Variants in ZNF804B observed in about 807,000 individuals in gnomAD.
The protein encoded by ZNF804B is zinc finger protein 804B.
Under a neutral mutation model 101.4 loss-of-function variants are expected in ZNF804B, and 80 were observed. The observed-to-expected ratio is 0.79, with a 90% confidence interval of 0.66 to 0.95. The LOEUF is 0.95. Ranked by LOEUF, ZNF804B falls within the 40% of genes least tolerant of loss-of-function variation. The pLI is 0.00. For missense variants in ZNF804B, 1,673 were observed against 1,561.9 expected, an observed-to-expected ratio of 1.07 and a Z score of -1.20; for synonymous variants, 622 against 558.8, an observed-to-expected ratio of 1.11 and a Z score of -1.59.
intron 2 of ZNF804B, among the ~76,000 whole-genome samples, chr7:89,238,499 G>C (rs561236568): frequency 6.6e-6 from 1 of 152,120 alleles, no homozygotes; most frequent in South Asian, 2.1e-4. Context: ...TTTTGTAAGA[G>C]CAAATTTGTT....
At chr7:89,296,162 T>C (rs866527695) in intron 2 of ZNF804B, among the ~76,000 whole-genome samples, 1 of 152,048 alleles carries the variant, frequency 6.6e-6, no homozygotes, top group Non-Finnish European at 1.5e-5. Flanking sequence ...AATAAATACA[T>C]ATGTACATAC....
rs538231980 is a variant in ZNF804B at position 89,144,591 on chromosome 7, G to T, written c.109-73564G>T. On this transcript the variant is annotated intron_variant, in intron 1 of 3. Coordinates refer to ENST00000333190, the MANE Select transcript of ZNF804B (RefSeq NM_181646.5). ...GGAGATGTTGATCAAAAGGTATAAGGTTTCAGTTAGACAGGAGAAATAAGA... is the reference window on the plus strand; with the variant it reads ...GGAGATGTTGATCAAAAGGTATAAGTTTTCAGTTAGACAGGAGAAATAAGA... Among the ~76,000 whole-genome samples the T allele has an allele frequency of 5.9e-5, 9 of 151,862 alleles. No homozygotes were observed. The South Asian group carries it at 1.9e-3, about 31-fold the overall frequency.
chr7:89,192,048 T>C (rs1788463150), intron 1 of ZNF804B, among the ~76,000 whole-genome samples: 1 of 152,116 alleles, frequency 6.6e-6, no homozygotes, highest in Non-Finnish European at 1.5e-5. Context: ...TTTCTAAAAA[T>C]GGGAGCTTAA....
chr7:88,918,965 G>A (rs1431344420), intron 1 of ZNF804B, among the ~76,000 whole-genome samples: 2 of 152,110 alleles, frequency 1.3e-5, no homozygotes, highest in South Asian at 2.1e-4. Flanking sequence ...AAGGATGATG[G>A]ACAATTTTCA....
chr7:89,103,059 T>TGTTTGTTTG lies in ZNF804B; in HGVS notation c.109-115096_109-115095insGTTTGTTTG, dbSNP rs1562885429. Among the ~76,000 whole-genome samples the TGTTTGTTTG allele has an allele frequency of 9.3e-4, 116 of 125,256 alleles. 2 individuals carry two copies. The highest frequency in any genetic ancestry group is 3.8e-3 in the Middle Eastern group (1 of 260). 82.2% of individuals were successfully genotyped at this position (125,256 alleles called of 152,430 possible). On this transcript the variant is annotated intron_variant, in intron 1 of 3. Transcript: ENST00000333190. Reference sequence around the variant, plus strand: ...TGACCTATGTGTCTGTTTTTTTTTTTTTTTTTTTTTTTTTTTTTTTTTTTA... The same window carrying TGTTTGTTTG: ...TGACCTATGTGTCTGTTTTTTTTTTTGTTTGTTTGTTTTTTTTTTTTTTTTTTTTTTTTA...
intron 2 of ZNF804B, among the ~76,000 whole-genome samples, chr7:89,226,565 T>G (rs1345397182): frequency 6.6e-6 from 1 of 152,030 alleles, no homozygotes; most frequent in Non-Finnish European, 1.5e-5. Flanking sequence ...TCTTTTCAGA[T>G]AAGTCTCTAA....
intron 1 of ZNF804B, among the ~76,000 whole-genome samples, chr7:88,819,061 A>C (rs1389615387): frequency 6.6e-6 from 1 of 152,128 alleles, no homozygotes; most frequent in Non-Finnish European, 1.5e-5. Context: ...AGCGTGATTG[A>C]CTGTATTTTC....
intron 1 of ZNF804B, among the ~76,000 whole-genome samples, chr7:88,925,490 G>C (rs572670297): frequency 6.6e-6 from 1 of 152,186 alleles, no homozygotes; most frequent in East Asian, 1.9e-4. Flanking sequence ...TTACAGAAAG[G>C]GACACTAAAG....
At chr7:88,824,806 A>AT in intron 1 of ZNF804B, among the ~76,000 whole-genome samples, 1 of 152,324 alleles carries the variant, frequency 6.6e-6, no homozygotes, top group Middle Eastern at 3.4e-3. Context: ...CTTAGCCTTT[A>AT]TAAGTGTGGA....
chr7:89,122,583 T>C (rs10268458), intron 1 of ZNF804B, among the ~76,000 whole-genome samples: 108,429 of 152,046 alleles, frequency 0.71, 39,574 homozygotes, highest in African/African-American at 0.87. Context: ...CTGCGGTTGC[T>C]GTTGCTCCAG....
intron 1 of ZNF804B, among the ~76,000 whole-genome samples, chr7:89,196,623 A>G (rs1191781763): frequency 6.6e-6 from 1 of 152,172 alleles, no homozygotes; most frequent in Non-Finnish European, 1.5e-5. Flanking sequence ...AAATTGACAA[A>G]TGGGATCTAA....
intron 1 of ZNF804B, among the ~76,000 whole-genome samples, chr7:89,137,070 T>G (rs1488956361): frequency 6.6e-6 from 1 of 152,048 alleles, no homozygotes; most frequent in Admixed American, 6.6e-5. Context: ...ATTAAACCTC[T>G]TTCTTTCTCA....
intron 1 of ZNF804B, among the ~76,000 whole-genome samples, chr7:88,865,083 A>G (rs1295251924): frequency 6.6e-6 from 1 of 151,314 alleles, no homozygotes; most frequent in Non-Finnish European, 1.5e-5. Context: ...ACAAAATTAG[A>G]CAGGCGTGGT....
intron 1 of ZNF804B, among the ~76,000 whole-genome samples, chr7:89,165,918 G>T (rs1228171407): frequency 6.6e-6 from 1 of 152,066 alleles, no homozygotes; most frequent in East Asian, 1.9e-4. Flanking sequence ...CCATGTGTTT[G>T]TTATCAGAAT....
At chr7:89,294,291 T>C (rs528402859) in intron 2 of ZNF804B, among the ~76,000 whole-genome samples, 46 of 152,354 alleles carry the variant, frequency 3.0e-4, no homozygotes, top group Middle Eastern at 3.4e-3. Flanking sequence ...TCTTTGTAAA[T>C]AGTTATATTT....
chr7:88,794,471 G>C, intron 1 of ZNF804B: 1 of 1,613,890 alleles, frequency 6.2e-7, no homozygotes, highest in South Asian at 1.1e-5. Context: ...ACATCGTCGA[G>C]ATACATAACT....
chr7:88,800,065 T>C (rs1238542649), intron 1 of ZNF804B, among the ~76,000 whole-genome samples: 1 of 152,088 alleles, frequency 6.6e-6, no homozygotes, highest in African/African-American at 2.4e-5. Context: ...TCTAAATCAT[T>C]TCCTTTCACT....
intron 2 of ZNF804B, among the ~76,000 whole-genome samples, chr7:89,293,363 T>G (rs1332801630): frequency 6.6e-6 from 1 of 152,094 alleles, no homozygotes; most frequent in Non-Finnish European, 1.5e-5. Flanking sequence ...AATATGACAT[T>G]TACTCCAAAA....
At chr7:89,002,729 T>C (rs967112286) in intron 1 of ZNF804B, among the ~76,000 whole-genome samples, 4 of 151,914 alleles carry the variant, frequency 2.6e-5, no homozygotes, top group African/African-American at 9.7e-5. Context: ...TCATGTTGAA[T>C]AGTATCTTCA....
Sources: gnomAD v4.1 joint callset for allele counts (sites outside exome capture counted in the v4.1 genomes callset) on GRCh38, gnomAD v4.1.1 for gene constraint, MANE v1.5 for transcripts, NCBI Gene and HGNC (gene_info 2026-07-23, HGNC 2026-07-21) for gene names.